The following ZNF432 variants were observed in gnomAD, a reference collection of about 807,000 sequenced individuals.
ZNF432 encodes the protein zinc finger protein 432.
Under a neutral mutation model 13.9 loss-of-function variants are expected in ZNF432, and 10 were observed. The ratio of observed to expected loss-of-function variants is 0.72; its 90% CI spans 0.44 to 1.22. The LOEUF is 1.22. ZNF432 is among the 50% of genes most tolerant of loss of function. The pLI, the probability that ZNF432 is intolerant of heterozygous loss-of-function variation, is 0.00. For missense variants in ZNF432, 793 were observed against 796.2 expected, an observed-to-expected ratio of 1.00 and a Z score of 0.05; for synonymous variants, 247 against 256.2, an observed-to-expected ratio of 0.96 and a Z score of 0.34.
rs2087055278 is a variant in ZNF432 at position 52,034,637 on chromosome 19, T to C, written c.1042A>G (p.Ser348Gly). 2 of 1,613,680 alleles carry C rather than the reference T, an allele frequency of 1.2e-6. No individual in the cohort carries two copies. The highest frequency in any genetic ancestry group is 3.3e-5 in the Admixed American group (2 of 59,986). Residue 348 changes from serine (S) to glycine (G), a missense_variant, in exon 5 of 5, where the codon AGT becomes GGT. Transcript: ENST00000221315. ...THTGEKPYICSECGKGFTTKH... is the reference protein window; with the variant it reads ...THTGEKPYICGECGKGFTTKH... The stretch of plus-strand genomic sequence containing the variant: ...GTGGTGAAGCCTTTCCCACATTCAC[T>C]ACAGATGTAGGGCTTCTCTCCTGTA...
At position 52,034,305 on chromosome 19, in the gene ZNF432, T is replaced by TAC; in HGVS notation, c.1373_1374insGT (p.Cys459TyrfsTer11). ...GGAAGCCTTTCCCACATTCACTGCA[T>TAC]GTGTAGGGCTTCTCTCCTGTATGAG... On this transcript the variant is annotated frameshift_variant, in exon 5 of 5. Coordinates refer to ENST00000221315, the MANE Select transcript of ZNF432 (RefSeq NM_014650.4). LOFTEE classifies it low-confidence loss of function (END_TRUNC). 3.1e-6 allele frequency: 5 copies of TAC among 1,609,302 alleles called. No individual in the cohort carries two copies. The Admixed American group carries it at 8.4e-5, about 27-fold the overall frequency.
chr19:52,034,576 G>C lies in ZNF432; in HGVS notation c.1103C>G (p.Thr368Arg), dbSNP rs532143036. Residue 368 changes from threonine (T) to arginine (R), a missense_variant, in exon 5 of 5, where the codon ACA becomes AGA. Transcript: ENST00000221315. ...HYVIIHQRNH[T>R]GEKPYICNEC... ...ATTGCATATATATGGTTTCTCTCCT[G>C]TATGATTTCGTTGATGTATGATGAC... The C allele has an allele frequency of 1.2e-6, 2 of 1,612,324 alleles. No individual in the cohort carries two copies. Among genetic ancestry groups the C allele is most frequent in the East Asian group, 4.5e-5 (2 of 44,722 alleles).
At chr19:52,043,633 T>C (rs1258273278) in intron 2 of ZNF432, among the ~76,000 whole-genome samples, 1 of 152,230 alleles carries the variant, frequency 6.6e-6, no homozygotes, top group African/African-American at 2.4e-5. Flanking sequence ...ATCTGTCTCC[T>C]GCCCGTCCCT....
chr19:52,031,398 A>G lies in ZNF432; in HGVS notation c.*2322T>C, dbSNP rs1343269184. The G allele has an allele frequency of 2.0e-5, 3 of 152,248 alleles. No homozygotes were observed. The highest frequency in any genetic ancestry group is 7.2e-5 in the African/African-American group (3 of 41,462). 9.4% of individuals were successfully genotyped at this position (152,248 alleles called of 1,614,324 possible). A position where few individuals can be genotyped will look rare whatever the true frequency, so the allele number is the denominator to read the frequency against. On this transcript the variant is annotated 3_prime_UTR_variant, in exon 5 of 5. Transcript: ENST00000221315. ...CAATATCGGGTACACAAATAGTCAC[A>G]GCATCTTTATTTATAACAGCAAAAC...
chr19:52,035,659 A>G (rs188702729), intron 4 of ZNF432, among the ~76,000 whole-genome samples: 32 of 152,162 alleles, frequency 2.1e-4, no homozygotes, highest in Admixed American at 1.1e-3. Context: ...CAGCCTCCCA[A>G]GTAGCTGGGA....
rs141703809 is a variant in ZNF432 at position 52,033,721 on chromosome 19, C to T, written c.1958G>A (p.Ter653=). ...HQRTHNGNKP[*] is the part of the protein sequence containing the mutation. ...GGCATGAACATGTCCACTGCATTGT[C>T]AGGGTTTGTTTCCATTATGAGTTCG... The change falls in exon 5 of 5, where the codon TGA becomes TAA. Residue 653 remains the stop codon, a stop_retained_variant. Coordinates refer to ENST00000221315, the MANE Select transcript of ZNF432 (RefSeq NM_014650.4). 7.0e-5 allele frequency: 110 copies of T among 1,574,902 alleles called. No homozygotes were observed. The African/African-American group carries it at 1.3e-3, about 19-fold the overall frequency.
rs758521980 is a variant in ZNF432, at chr19:52,035,114, T to C, written c.565A>G (p.Lys189Glu). The C allele has an allele frequency of 4.3e-6, 7 of 1,614,114 alleles. No individual in the cohort carries two copies. The highest frequency in any genetic ancestry group is 5.9e-6 in the Non-Finnish European group (7 of 1,180,026). ...FSVSTKANST[K>E]SQVSKHQRTH... The stretch of plus-strand genomic sequence containing the variant: ...CTCTGATGCTTACTGACTTGGGATT[T>C]AGTGCTATTGGCTTTTGTACTTACA... Residue 189 changes from lysine to glutamate, a missense_variant, in exon 5 of 5, where the codon AAA (lysine) becomes GAA (glutamate). Transcript: ENST00000221315.
rs980814776 is a variant in ZNF432, at chr19:52,046,875, C to T, written c.-7G>A. The T allele has an allele frequency of 6.2e-7, 1 of 1,613,158 alleles. No individual in the cohort carries two copies. The highest frequency in any genetic ancestry group is 8.5e-7 in the Non-Finnish European group (1 of 1,179,536). On this transcript the variant is annotated 5_prime_UTR_variant, in exon 2 of 5. Coordinates refer to ENST00000221315, the MANE Select transcript of ZNF432 (RefSeq NM_014650.4). ...TCACCTGGGCATTGATCATTTTCTT[C>T]TGTTGTGGGAAATGGCCAGCACCTG...
intron 4 of ZNF432, among the ~76,000 whole-genome samples, chr19:52,037,823 T>G (rs1428287247): frequency 6.6e-6 from 1 of 151,848 alleles, no homozygotes; most frequent in African/African-American, 2.4e-5. Context: ...ATATCCAATT[T>G]TTCCCATTTC....
Position 52,036,993 on chromosome 19 carries a change from T to C in ZNF432, c.239-1553A>G, listed in dbSNP as rs1426178192. The stretch of plus-strand genomic sequence containing the variant: ...GCCAGGATACCATGTTGAGAAGACA[T>C]GTAGAATGAAAGATGAAGGTACAGA... On this transcript the variant is annotated intron_variant, in intron 4 of 4. Coordinates refer to ENST00000221315, the MANE Select transcript of ZNF432 (RefSeq NM_014650.4). Among the ~76,000 whole-genome samples, 4 of 152,262 alleles carry C rather than the reference T, an allele frequency of 2.6e-5. No homozygotes were observed. The East Asian group carries it at 7.7e-4, about 29-fold the overall frequency.
In ZNF432 at chr19:52,033,846, A is replaced by G; in HGVS notation, c.1833T>C (p.Arg611=). Residue 611 remains arginine, a synonymous_variant, in exon 5 of 5, where the codon CGT becomes CGC. Transcript: ENST00000221315. ...ECGKGFTMKS[R]LIVHQRTHTG... ...TATGAGTTCGTTGATGAACAATTAG[A>G]CGGCTCTTCATAGTGAAGCCTTTAC... 3 of 1,613,884 alleles carry G rather than the reference A, an allele frequency of 1.9e-6. No individual in the cohort carries two copies. Among genetic ancestry groups the G allele is most frequent in the Non-Finnish European group, 2.5e-6 (3 of 1,179,926 alleles).
Position 52,032,700 on chromosome 19 carries a change from T to C in ZNF432, c.*1020A>G, listed in dbSNP as rs2087027012. The stretch of plus-strand genomic sequence containing the variant: ...ATCCACCCACCTTGGCCTCCCAAAG[T>C]GCTGGGATTACAGGTGCAAGCCACC... On this transcript the variant is annotated 3_prime_UTR_variant, in exon 5 of 5. Transcript: ENST00000221315. 1 of 152,174 alleles carries C rather than the reference T, an allele frequency of 6.6e-6. No homozygotes were observed. The highest frequency in any genetic ancestry group is 1.5e-5 in the Non-Finnish European group (1 of 68,036). The allele number at this position is 152,174 out of a possible 1,614,324, so 9.4% of individuals were successfully genotyped here.
chr19:52,039,842 AAAAAGAAAAG>A (rs1321126170), intron 4 of ZNF432, among the ~76,000 whole-genome samples: 1 of 150,874 alleles, frequency 6.6e-6, no homozygotes, highest in African/African-American at 2.4e-5. Context: ...AAAAAAAAAA[AAAAAGAAAAG>A]AAAAGAAAAA....
At chr19:52,046,745 T>C in intron 2 of ZNF432, 109 bp downstream of exon 2, 1 of 1,113,608 alleles carries the variant, frequency 9.0e-7, no homozygotes, top group Non-Finnish European at 1.3e-6. Context: ...GCCATGATGT[T>C]GGAGTTAGAT....
intron 4 of ZNF432, among the ~76,000 whole-genome samples, chr19:52,038,097 G>A (rs149445556): frequency 7.2e-5 from 11 of 152,220 alleles, no homozygotes; most frequent in African/African-American, 2.4e-4. Flanking sequence ...CCTCAACCAT[G>A]CTACCTCAAT....
At chr19:52,040,662 T>A in intron 3 of ZNF432, 79 bp from the exon 4 acceptor site, 1 of 1,159,870 alleles carries the variant, frequency 8.6e-7, no homozygotes, top group Non-Finnish European at 1.3e-6. Flanking sequence ...TACATTTAAG[T>A]AACTAGACAG....
rs560338662 is a variant in ZNF432, at chr19:52,035,495, T to A, written c.239-55A>T. On this transcript the variant is annotated intron_variant, in intron 4 of 4. Coordinates refer to ENST00000221315, the MANE Select transcript of ZNF432 (RefSeq NM_014650.4). Reference sequence around the variant, plus strand: ...TATAATCTTGTTGGGGATAAAACTGTCTTCTTAGAAAAAAAAATCCTTGGT... The same window carrying A: ...TATAATCTTGTTGGGGATAAAACTGACTTCTTAGAAAAAAAAATCCTTGGT... 9.6e-6 allele frequency: 13 copies of A among 1,353,954 alleles called. No individual in the cohort carries two copies. The South Asian group carries it at 2.1e-4, about 22-fold the overall frequency. The allele number at this position is 1,353,954 out of a possible 1,614,324, so 83.9% of individuals were successfully genotyped here.
Position 52,033,241 on chromosome 19 carries a change from A to C in ZNF432, c.*479T>G, listed in dbSNP as rs2087032861. On this transcript the variant is annotated 3_prime_UTR_variant, in exon 5 of 5. Coordinates refer to ENST00000221315, the MANE Select transcript of ZNF432 (RefSeq NM_014650.4). ...ATTAAAATTCGCTCCTGGAAATTGC[A>C]TTGTCTTCCAAGGGTGAAAATCTAG... 6.5e-6 allele frequency: 1 copy of C among 154,212 alleles called. No individual in the cohort carries two copies. Among genetic ancestry groups the C allele is most frequent in the Middle Eastern group, 3.4e-3 (1 of 298 alleles). The allele number at this position is 154,212 out of a possible 1,614,324, so 9.6% of individuals were successfully genotyped here. A position where few individuals can be genotyped will look rare whatever the true frequency, so the allele number is the denominator to read the frequency against.
intron 2 of ZNF432, among the ~76,000 whole-genome samples, chr19:52,042,178 A>G (rs930375723): frequency 6.6e-6 from 1 of 152,224 alleles, no homozygotes; most frequent in Non-Finnish European, 1.5e-5. Flanking sequence ...ATACAGTCAC[A>G]GGTATATGTG....
Sources: gnomAD v4.1 joint callset for allele counts (sites outside exome capture counted in the v4.1 genomes callset) on GRCh38, gnomAD v4.1.1 for gene constraint, MANE v1.5 for transcripts, NCBI Gene and HGNC (gene_info 2026-07-23, HGNC 2026-07-21) for gene names.